GPCPD1: variants seen among roughly 807,000 people sequenced by gnomAD.
GPCPD1 encodes the protein glycerophosphocholine phosphodiesterase 1, also known as glycerophosphocholine phosphodiesterase GPCPD1.
Under a neutral mutation model 89.2 loss-of-function variants are expected in GPCPD1, and 29 were observed. That is an observed-to-expected ratio of 0.33 (90% CI 0.24 to 0.44). The LOEUF (loss-of-function observed/expected upper bound fraction) is 0.44. Among genes scored for constraint, GPCPD1 ranks in the 20% least tolerant of loss-of-function variants. The probability of loss-of-function intolerance (pLI) is 1.00; values close to 1 mark genes in which losing one functional copy is unlikely to be tolerated. For synonymous variants in GPCPD1, 258 were observed against 266.3 expected, an observed-to-expected ratio of 0.97 and a Z score of 0.30; for missense variants, 594 against 808.9, an observed-to-expected ratio of 0.73 and a Z score of 3.22.
At chr20:5,561,939 G>GAA (rs1323716795) in intron 15 of GPCPD1, among the ~76,000 whole-genome samples, 1 of 152,120 alleles carries the variant, frequency 6.6e-6, no homozygotes, top group African/African-American at 2.4e-5. Context: ...TAAAATCTAT[G>GAA]AAAAACCATG....
intron 12 of GPCPD1, among the ~76,000 whole-genome samples, chr20:5,569,725 C>T (rs1468650091): frequency 6.6e-6 from 1 of 152,150 alleles, no homozygotes; most frequent in Non-Finnish European, 1.5e-5. Flanking sequence ...CACTGAGGCC[C>T]TCCACCATCT....
At chr20:5,584,129 G>A (rs756675628) in intron 6 of GPCPD1, 152 bp downstream of exon 6, 10 of 456,450 alleles carry the variant, frequency 2.2e-5, no homozygotes, top group Admixed American at 4.2e-5. Flanking sequence ...ATATGAGACT[G>A]CTGCTGCACG....
intron 1 of GPCPD1, among the ~76,000 whole-genome samples, chr20:5,605,263 A>C (rs963975598): frequency 6.6e-6 from 1 of 152,210 alleles, no homozygotes; most frequent in East Asian, 1.9e-4. Flanking sequence ...CTCTTCTGAT[A>C]AGCAGCTGTT....
At chr20:5,580,179 AAAC>A (rs752962832) in intron 6 of GPCPD1, 48 bp from the exon 7 acceptor site, 3 of 1,041,584 alleles carry the variant, frequency 2.9e-6, no homozygotes, top group East Asian at 2.4e-5. Flanking sequence ...ATGTTTTTTT[AAAC>A]AACACAATAA....
At chr20:5,573,829 C>T in intron 11 of GPCPD1, 86 bp downstream of exon 11, 1 of 806,386 alleles carries the variant, frequency 1.2e-6, no homozygotes, top group Non-Finnish European at 2.2e-6. Flanking sequence ...AGAGATATTC[C>T]CCTAACTATT....
At chr20:5,601,255 T>C (rs1487392079) in intron 2 of GPCPD1, among the ~76,000 whole-genome samples, 1 of 151,752 alleles carries the variant, frequency 6.6e-6, no homozygotes, top group Non-Finnish European at 1.5e-5. Context: ...ATAGTCCCAG[T>C]TCCTCATGAG....
At chr20:5,559,575 C>A (rs1312602698) in intron 17 of GPCPD1, among the ~76,000 whole-genome samples, 1 of 105,150 alleles carries the variant, frequency 9.5e-6, no homozygotes, top group Non-Finnish European at 1.9e-5. Flanking sequence ...GAGATCCTGT[C>A]TCAAAAACAA....
intron 2 of GPCPD1, among the ~76,000 whole-genome samples, chr20:5,601,048 C>T (rs2122793192): frequency 6.6e-6 from 1 of 151,270 alleles, no homozygotes; most frequent in South Asian, 2.1e-4. Flanking sequence ...GGCATGGCAG[C>T]ACACACCTGT....
At position 5,565,059 on chromosome 20, in the gene GPCPD1, T is replaced by C; in HGVS notation, c.1287A>G (p.Glu429=). 1 of 1,544,698 alleles carries C rather than the reference T, an allele frequency of 6.5e-7. No homozygotes were observed. The highest frequency in any genetic ancestry group is 9.0e-7 in the Non-Finnish European group (1 of 1,116,940). Residue 429 remains glutamate, a synonymous_variant, in exon 15 of 20, where the codon GAA becomes GAG. Transcript: ENST00000379019. ...KDRKESVVQE[E]NSFSENQPFP... is the part of the protein sequence containing the mutation. ...ATGGCTGATTTTCTGAAAAGGAATT[T>C]TCCTCCTGAACCACAGATTCTGAAA...
At chr20:5,588,516 G>A (rs1185872699) in intron 4 of GPCPD1, among the ~76,000 whole-genome samples, 3 of 149,080 alleles carry the variant, frequency 2.0e-5, no homozygotes, top group Non-Finnish European at 4.5e-5. Flanking sequence ...AAAAAAAGTC[G>A]CAAATACATA....
chr20:5,552,637 GT>G (rs1568640258), intron 19 of GPCPD1, among the ~76,000 whole-genome samples: 1 of 152,164 alleles, frequency 6.6e-6, no homozygotes, highest in Non-Finnish European at 1.5e-5. Flanking sequence ...GCCAGTACTT[GT>G]TCCAAATTAT....
chr20:5,589,585 G>A (rs1165481002), intron 4 of GPCPD1, among the ~76,000 whole-genome samples: 1 of 152,108 alleles, frequency 6.6e-6, no homozygotes, highest in African/African-American at 2.4e-5. Context: ...TGGGCAACAA[G>A]AGCGAAACTC....
chr20:5,593,511 A>G (rs982881381), intron 3 of GPCPD1, 100 bp from the exon 4 acceptor site: 7 of 691,014 alleles, frequency 1.0e-5, no homozygotes, highest in East Asian at 2.6e-5. Context: ...CGTATGACCA[A>G]TATCACTTAT....
intron 19 of GPCPD1, among the ~76,000 whole-genome samples, chr20:5,551,887 TCAC>T (rs1480648894): frequency 6.6e-6 from 1 of 152,170 alleles, no homozygotes; most frequent in Non-Finnish European, 1.5e-5. Context: ...TCACACACTC[TCAC>T]CACACCTCTC....
intron 4 of GPCPD1, among the ~76,000 whole-genome samples, chr20:5,592,547 G>T (rs1482061471): frequency 6.6e-6 from 1 of 152,028 alleles, no homozygotes; most frequent in Non-Finnish European, 1.5e-5. Context: ...TTTTTCACAC[G>T]TAACAAAAAC....
chr20:5,586,456 A>C (rs1334075782), intron 4 of GPCPD1, among the ~76,000 whole-genome samples, 187 bp from the exon 5 acceptor site: 1 of 152,246 alleles, frequency 6.6e-6, no homozygotes, highest in East Asian at 1.9e-4. Flanking sequence ...ATGCTGGAAG[A>C]AAATTAGAGT....
Position 5,545,652 on chromosome 20 carries a change from A to G in GPCPD1, c.*2009T>C, listed in dbSNP as rs543289151. 2.0e-5 allele frequency: 3 copies of G among 152,442 alleles called. No homozygotes were observed. The highest frequency in any genetic ancestry group is 7.2e-5 in the African/African-American group (3 of 41,586). The allele number at this position is 152,442 out of a possible 1,614,324, so 9.4% of individuals were successfully genotyped here. On this transcript the variant is annotated 3_prime_UTR_variant, in exon 20 of 20. Coordinates refer to ENST00000379019, the MANE Select transcript of GPCPD1 (RefSeq NM_019593.5). ...AACAGCTAGTGATACGAAGGCCCGG[A>G]CTTAGTCCTGTGAAAATAAGGAGCC... is the stretch of plus-strand genomic sequence containing the variant.
rs765130246 is a variant in GPCPD1 at position 5,573,941 on chromosome 20, C to A, written c.1030G>T (p.Ala344Ser). The change falls in exon 11 of 20, where the codon GCT becomes TCT. Residue 344 changes from alanine to serine, a missense_variant. Ala to Ser is a moderately conservative substitution (Grantham distance 99). Coordinates refer to ENST00000379019, the MANE Select transcript of GPCPD1 (RefSeq NM_019593.5). ...TGACTAGCAGCATTTCTTAAAGAAGCAATAGTATTTTCTTGAACTTTAGCC... is the reference window on the plus strand; with the variant it reads ...TGACTAGCAGCATTTCTTAAAGAAGAAATAGTATTTTCTTGAACTTTAGCC... ...QLAKVQENTIASLRNAASHGA... is the reference protein window; with the variant it reads ...QLAKVQENTISSLRNAASHGA... 2 of 1,522,714 alleles carry A rather than the reference C, an allele frequency of 1.3e-6. No homozygotes were observed. Among genetic ancestry groups the A allele is most frequent in the South Asian group, 2.2e-5 (2 of 89,136 alleles). The allele number at this position is 1,522,714 out of a possible 1,614,324, so 94.3% of individuals were successfully genotyped here.
intron 5 of GPCPD1, 137 bp downstream of exon 5, chr20:5,586,057 C>T (rs1185931870): frequency 1.3e-5 from 6 of 460,748 alleles, no homozygotes; most frequent in Non-Finnish European, 2.4e-5. Context: ...CCATGAAATG[C>T]TCAGTGAAAT....
Sources: gnomAD v4.1 joint callset for allele counts (sites outside exome capture counted in the v4.1 genomes callset) on GRCh38, gnomAD v4.1.1 for gene constraint, MANE v1.5 for transcripts, NCBI Gene and HGNC (gene_info 2026-07-23, HGNC 2026-07-21) for gene names.